The following DRICH1 variants were observed in gnomAD, a reference collection of about 807,000 sequenced individuals.
The protein encoded by DRICH1 is aspartate-rich protein 1.
DRICH1 carries 38 observed loss-of-function variants against 39.5 expected under a neutral mutation model. The ratio of observed to expected loss-of-function variants is 0.96; its 90% CI spans 0.74 to 1.26. DRICH1 has a LOEUF of 1.26. Among genes scored for constraint, DRICH1 ranks in the 50% most tolerant of loss-of-function variants. The pLI, the probability that DRICH1 is intolerant of heterozygous loss-of-function variation, is 0.00. For missense variants in DRICH1, 279 were observed against 270.4 expected (o/e 1.03, Z -0.22); for synonymous variants, 84 against 99.5 (o/e 0.84, Z 0.93).
intron 4 of DRICH1, 141 bp downstream of exon 4, chr22:23,621,950 A>C (rs1237559284): frequency 2.5e-6 from 2 of 802,962 alleles, no homozygotes; most frequent in Non-Finnish European, 4.0e-6. Flanking sequence ...AGAAAAGAAA[A>C]AAGAAACAAA....
the DRICH1 span, among the ~76,000 whole-genome samples, chr22:23,602,421 A>C: frequency 6.6e-6 from 1 of 151,638 alleles, no homozygotes; most frequent in African/African-American, 2.4e-5. Flanking sequence ...GCAGGGGCTC[A>C]CCCCTGTAAT....
intron 1 of DRICH1, among the ~76,000 whole-genome samples, chr22:23,630,384 G>A (rs1928319165): frequency 6.6e-6 from 1 of 151,198 alleles, no homozygotes; most frequent in Admixed American, 6.6e-5. Context: ...CATTCAGGAG[G>A]TCAAAATCTG....
rs1239629324 is a variant in DRICH1, at chr22:23,617,577, G to A, written c.517C>T (p.Gln173Ter). The A allele has an allele frequency of 1.2e-6, 2 of 1,612,830 alleles. No homozygotes were observed. Among genetic ancestry groups the A allele is most frequent in the East Asian group, 4.5e-5 (2 of 44,888 alleles). ...DDCDDDDDDA[Q>*]ILPSPVQACS... ...AAGACAAAGAAAGGTTGTCTTACCTGGGCATCATCATCATCATCATCACAG... is the reference window on the plus strand; with the variant it reads ...AAGACAAAGAAAGGTTGTCTTACCTAGGCATCATCATCATCATCATCACAG... Residue 173 changes from glutamine to a stop codon, truncating the protein, a stop_gained and splice_region_variant, in exon 7 of 12, where the codon CAG becomes TAG. Coordinates refer to ENST00000317749, the MANE Select transcript of DRICH1 (RefSeq NM_016449.4). LOFTEE classifies it high-confidence loss of function.
At chr22:23,582,710 G>A in the DRICH1 span, among the ~76,000 whole-genome samples, 7 of 152,082 alleles carry the variant, frequency 4.6e-5, no homozygotes, top group Middle Eastern at 3.4e-3. Context: ...GTCTACAGGT[G>A]CCCGCCATCA....
chr22:23,617,538 C>T, intron 7 of DRICH1, 37 bp downstream of exon 7: 2 of 1,610,200 alleles, frequency 1.2e-6, no homozygotes, highest in Non-Finnish European at 1.7e-6. Flanking sequence ...ATCAGAAAAC[C>T]AACATTTCCT....
downstream of DRICH1, among the ~76,000 whole-genome samples, chr22:23,605,668 TATCC>T (rs1203639234): frequency 3.3e-5 from 5 of 152,062 alleles, no homozygotes; most frequent in African/African-American, 1.2e-4. Context: ...ATTCCTGCCC[TATCC>T]AGAGGACTGG....
chr22:23,585,930 T>C, the DRICH1 span, among the ~76,000 whole-genome samples: 1 of 152,254 alleles, frequency 6.6e-6, no homozygotes, highest in Non-Finnish European at 1.5e-5. Context: ...TGTAACTCAA[T>C]AGATAGTTAC....
chr22:23,622,307 C>T (rs1259058164), intron 3 of DRICH1, 131 bp from the exon 4 acceptor site: 4 of 831,442 alleles, frequency 4.8e-6, no homozygotes, highest in East Asian at 2.5e-5. Flanking sequence ...CTGGGCTATT[C>T]CCCTGAGTGG....
the DRICH1 span, among the ~76,000 whole-genome samples, chr22:23,597,505 A>G: frequency 1.3e-5 from 2 of 149,198 alleles, no homozygotes; most frequent in South Asian, 2.1e-4. Context: ...CCTGTCTCAA[A>G]AAAAAAAAAA....
the DRICH1 span, among the ~76,000 whole-genome samples, chr22:23,597,271 T>C: frequency 2.7e-5 from 4 of 148,706 alleles, no homozygotes; most frequent in African/African-American, 5.0e-5. Flanking sequence ...GCAGGTGAAG[T>C]GTGTGAACCC....
chr22:23,613,349 CAGAA>C lies in DRICH1; in HGVS notation c.644-23_644-20del, dbSNP rs2123765782. 1 of 1,604,120 alleles carries C rather than the reference CAGAA, an allele frequency of 6.2e-7. No individual in the cohort carries two copies. Among genetic ancestry groups the C allele is most frequent in the Admixed American group, 1.7e-5 (1 of 60,004 alleles). ...GTCAAGTCTTTAGAAACAAAAACAC[CAGAA>C]TAAGTCATTAGAGAGAGTGACTCAC... is the stretch of plus-strand genomic sequence containing the variant. On this transcript the variant is annotated intron_variant, in intron 10 of 11. Coordinates refer to ENST00000317749, the MANE Select transcript of DRICH1 (RefSeq NM_016449.4).
At position 23,613,197 on chromosome 22, in the gene DRICH1, TC is replaced by T. The variant is rs1279855331; in HGVS notation, c.685+91del. On this transcript the variant is annotated intron_variant, in intron 11 of 11. Transcript: ENST00000317749. ...ATTTTCTTTCTGATTTCATACCCCC[TC>T]CTTCAGCCCCTCCTCACAAGCAACA... 3.3e-6 allele frequency: 3 copies of T among 899,274 alleles called. No individual in the cohort carries two copies. In the African/African-American group the frequency reaches 4.9e-5, roughly 15 times the overall value. 55.7% of individuals were successfully genotyped at this position (899,274 alleles called of 1,614,324 possible).
chr22:23,630,675 A>T lies in DRICH1; in HGVS notation c.208+1141T>A, dbSNP rs1294332428. 4 of 152,098 alleles carry T rather than the reference A, an allele frequency of 2.6e-5. No homozygotes were observed. The East Asian group carries it at 7.7e-4, about 29-fold the overall frequency. The allele number at this position is 152,098 out of a possible 1,614,324, so 9.4% of individuals were successfully genotyped here. ...ACACATTTACAAACACTACACATTA[A>T]TTCACCCCTGGCTATCTCCCAACCC... On this transcript the variant is annotated intron_variant, in intron 1 of 11. Coordinates refer to ENST00000317749, the MANE Select transcript of DRICH1 (RefSeq NM_016449.4).
rs201411088 is a variant in DRICH1, at chr22:23,622,559, CT to C, written c.299-384del. Among the ~76,000 whole-genome samples the C allele has an allele frequency of 8.9e-3, 1,229 of 138,030 alleles. 26 individuals are homozygous for C. Among genetic ancestry groups the C allele is most frequent in the East Asian group, 0.088 (405 of 4,622 alleles). The allele number at this position is 138,030 out of a possible 152,430, so 90.6% of individuals were successfully genotyped here. ...ACACTAGGATCCAATTATGCTGGTA[CT>C]ACATTTAGCATCTGTTTTAAAAGAT... On this transcript the variant is annotated intron_variant, in intron 3 of 11. Coordinates refer to ENST00000317749, the MANE Select transcript of DRICH1 (RefSeq NM_016449.4).
At position 23,621,461 on chromosome 22, in the gene DRICH1, T is replaced by A. The variant is rs140301205; in HGVS notation, c.384+630A>T. ...TAAAGCCCCTCCCCAACAATCAATA[T>A]GTGACACCCACGAAGATTGTGACCT... is the stretch of plus-strand genomic sequence containing the variant. On this transcript the variant is annotated intron_variant, in intron 4 of 11. Coordinates refer to ENST00000317749, the MANE Select transcript of DRICH1 (RefSeq NM_016449.4). 7.1e-3 allele frequency among the ~76,000 whole-genome samples: 1,079 copies of A among 151,606 alleles called. 12 individuals carry two copies. The highest frequency in any genetic ancestry group is 0.025 in the African/African-American group (1,016 of 41,334).
chr22:23,586,979 C>T, the DRICH1 span, among the ~76,000 whole-genome samples: 218 of 152,276 alleles, frequency 1.4e-3, no homozygotes, highest in African/African-American at 5.1e-3. Context: ...GTATCTTTTT[C>T]CATCTGTTTA....
At chr22:23,626,072 C>G (rs758084343) in intron 1 of DRICH1, 24 bp from the exon 2 acceptor site, 68 of 1,575,748 alleles carry the variant, frequency 4.3e-5, no homozygotes, top group Non-Finnish European at 5.6e-5. Context: ...GAGTTAATGT[C>G]AGTGCCCTGG....
rs372591605 is a variant in DRICH1, at chr22:23,632,038, C to T, written c.-15G>A. 4 of 1,611,670 alleles carry T rather than the reference C, an allele frequency of 2.5e-6. No homozygotes were observed. The highest frequency in any genetic ancestry group is 2.7e-5 in the African/African-American group (2 of 74,834). On this transcript the variant is annotated 5_prime_UTR_variant, in exon 1 of 12. Transcript: ENST00000317749. The stretch of plus-strand genomic sequence containing the variant: ...ATATTCCCCATGGGGCCTCTCCATG[C>T]CTCTCCACTCCTGCCTCAGCCTTCA...
At chr22:23,604,708 A>C (rs985629925), downstream of DRICH1, among the ~76,000 whole-genome samples, 2 of 152,180 alleles carry the variant, frequency 1.3e-5, no homozygotes, top group Admixed American at 6.5e-5. Flanking sequence ...GGCCCTCACC[A>C]ATCAGAAACC....
Sources: allele counts gnomAD v4.1 joint callset (sites outside exome capture counted in the v4.1 genomes callset), GRCh38; gene constraint gnomAD v4.1.1; transcripts MANE v1.5; gene names NCBI Gene and HGNC (gene_info 2026-07-23, HGNC 2026-07-21).